The following HDAC9 variants were observed in gnomAD, a reference collection of about 807,000 sequenced individuals.
The protein encoded by HDAC9 is histone deacetylase 9.
In HDAC9, 41 loss-of-function variants were observed where a neutral mutation model predicts 139.4. That is an observed-to-expected ratio of 0.29 (90% CI 0.23 to 0.38). The LOEUF (loss-of-function observed/expected upper bound fraction) is 0.38, where lower values mean the gene tolerates loss of function less well. Ranked by LOEUF, HDAC9 falls within the 10% of genes least tolerant of loss-of-function variation. The pLI is 1.00. For synonymous variants in HDAC9, 517 were observed against 476.2 expected, an observed-to-expected ratio of 1.09 and a Z score of -1.12; for missense variants, 1,147 against 1,297.0, an observed-to-expected ratio of 0.88 and a Z score of 1.78.
intron 22 of HDAC9, among the ~76,000 whole-genome samples, chr7:18,916,917 T>C (rs1031408155): frequency 6.6e-6 from 1 of 152,032 alleles, no homozygotes; most frequent in South Asian, 2.1e-4. Context: ...TCTGCACATC[T>C]GGCCTGCAGA....
chr7:18,315,486 T>A (rs1395640748), intron 1 of HDAC9, among the ~76,000 whole-genome samples: 2 of 152,210 alleles, frequency 1.3e-5, no homozygotes, highest in Non-Finnish European at 2.9e-5. Context: ...CTTTCTCTCA[T>A]TTCACTGCAT....
chr7:18,436,307 A>G (rs533918136), intron 1 of HDAC9, among the ~76,000 whole-genome samples: 13 of 152,134 alleles, frequency 8.5e-5, no homozygotes, highest in African/African-American at 2.2e-4. Context: ...TATTATTGCT[A>G]CCCCACAAAG....
At chr7:18,744,895 G>A (rs987244840) in intron 13 of HDAC9, among the ~76,000 whole-genome samples, 30 of 151,914 alleles carry the variant, frequency 2.0e-4, no homozygotes, top group African/African-American at 6.3e-4. Context: ...ACATATATAC[G>A]TATATATGTG....
At chr7:18,171,799 C>G (rs1788469841) in intron 2 of HDAC9, among the ~76,000 whole-genome samples, 1 of 152,146 alleles carries the variant, frequency 6.6e-6, no homozygotes, top group Non-Finnish European at 1.5e-5. Context: ...ATGAAGCCAA[C>G]TTGTTCGTGG....
intron 17 of HDAC9, among the ~76,000 whole-genome samples, chr7:18,802,257 C>T (rs982402950): frequency 1.3e-5 from 2 of 151,862 alleles, no homozygotes; most frequent in Non-Finnish European, 1.5e-5. Flanking sequence ...TCCATTATCT[C>T]CTTTTTTGAG....
Position 18,113,978 on chromosome 7 carries a change from C to A in HDAC9, c.-97+26765C>A, listed in dbSNP as rs563032373. On this transcript the variant is annotated intron_variant, in intron 1 of 12. Coordinates refer to the HDAC9 transcript ENST00000417496. ...GTGCCATTGTAGCTATCACTTTGAG[C>A]CTAACACTGTAGTTACATTCCCCCT... is the stretch of plus-strand genomic sequence containing the variant. 9.2e-5 allele frequency among the ~76,000 whole-genome samples: 14 copies of A among 152,194 alleles called. No homozygotes were observed. The South Asian group carries it at 2.7e-3, about 29-fold the overall frequency.
chr7:18,935,992 T>C (rs1781602914), intron 23 of HDAC9, 50 bp downstream of exon 23: 1 of 1,544,844 alleles, frequency 6.5e-7, no homozygotes, highest in East Asian at 2.3e-5. Context: ...CAGGGATGTA[T>C]GCATGCATAT....
chr7:18,570,814 A>G (rs755763576), intron 2 of HDAC9, among the ~76,000 whole-genome samples: 1 of 152,268 alleles, frequency 6.6e-6, no homozygotes, highest in Non-Finnish European at 1.5e-5. Context: ...GATGTTTGTT[A>G]TACAGTAAGT....
At chr7:18,607,260 G>A (rs1043405396) in intron 6 of HDAC9, among the ~76,000 whole-genome samples, 10 of 152,138 alleles carry the variant, frequency 6.6e-5, no homozygotes, top group African/African-American at 1.4e-4. Flanking sequence ...TAAGAACTTC[G>A]AAAATCTAAC....
chr7:18,275,256 G>A (rs73305213), intron 2 of HDAC9, among the ~76,000 whole-genome samples: 2,164 of 152,136 alleles, frequency 0.014, 59 homozygotes, highest in African/African-American at 0.049. Flanking sequence ...CAATACATAA[G>A]GAGAGGCCTG....
intron 2 of HDAC9, among the ~76,000 whole-genome samples, chr7:18,211,378 A>G (rs1290513322): frequency 6.6e-6 from 1 of 152,208 alleles, no homozygotes; most frequent in East Asian, 1.9e-4. Context: ...TTTGAGCTTG[A>G]TAATGCTGTG....
chr7:18,163,327 T>C (rs907236588), intron 2 of HDAC9, among the ~76,000 whole-genome samples: 9 of 152,198 alleles, frequency 5.9e-5, no homozygotes, highest in Non-Finnish European at 1.3e-4. Flanking sequence ...GTCACAACCA[T>C]GTTTGATAAT....
At chr7:18,778,375 C>T (rs1276473906) in intron 16 of HDAC9, among the ~76,000 whole-genome samples, 1 of 151,960 alleles carries the variant, frequency 6.6e-6, no homozygotes, top group Non-Finnish European at 1.5e-5. Context: ...GACCAAACCA[C>T]TGTGGGATGA....
chr7:18,883,233 A>C (rs919336934), intron 22 of HDAC9, among the ~76,000 whole-genome samples: 4 of 152,128 alleles, frequency 2.6e-5, no homozygotes, highest in African/African-American at 9.7e-5. Flanking sequence ...CTACAATTTT[A>C]GTTAACTGAC....
chr7:18,807,679 A>G (rs968892936), intron 17 of HDAC9, among the ~76,000 whole-genome samples: 1 of 151,900 alleles, frequency 6.6e-6, no homozygotes, highest in African/African-American at 2.4e-5. Context: ...TTCTTATTTG[A>G]CCCATTGGTT....
At chr7:18,466,935 C>T (rs530552176) in intron 1 of HDAC9, among the ~76,000 whole-genome samples, 1 of 152,162 alleles carries the variant, frequency 6.6e-6, no homozygotes, top group East Asian at 1.9e-4. Context: ...TTCCCTCCCT[C>T]TTTTATAAAA....
intron 1 of HDAC9, among the ~76,000 whole-genome samples, chr7:18,356,889 G>A (rs1033882776): frequency 1.3e-5 from 2 of 151,900 alleles, no homozygotes; most frequent in African/African-American, 4.8e-5. Flanking sequence ...TAAGCATCCT[G>A]GTGTGTTTTT....
chr7:18,738,611 G>A (rs1229319353), intron 13 of HDAC9, among the ~76,000 whole-genome samples: 1 of 152,216 alleles, frequency 6.6e-6, no homozygotes, highest in Non-Finnish European at 1.5e-5. Context: ...GGCTTGTAGG[G>A]TTTCTGCAGA....
intron 1 of HDAC9, among the ~76,000 whole-genome samples, chr7:18,092,039 G>T (rs113465877): frequency 1.3e-5 from 2 of 152,310 alleles, no homozygotes; most frequent in African/African-American, 4.8e-5. Flanking sequence ...ACAAGGGCAT[G>T]ACTCCTTGGA....
Sources: allele counts gnomAD v4.1 joint callset (sites outside exome capture counted in the v4.1 genomes callset), GRCh38; gene constraint gnomAD v4.1.1; transcripts MANE v1.5; gene names NCBI Gene and HGNC (gene_info 2026-07-23, HGNC 2026-07-21).